Variants in RNF145 observed in about 807,000 individuals in gnomAD.
RNF145 encodes the protein ring finger protein 145.
A neutral mutation model predicts 57.3 loss-of-function variants in RNF145; 12 were observed. The observed-to-expected ratio is 0.21, with a 90% CI of 0.13 to 0.34. RNF145 has a LOEUF of 0.34. Among genes scored for constraint, RNF145 ranks in the 10% least tolerant of loss-of-function variants. RNF145 has a pLI of 1.00. For synonymous variants in RNF145, 262 were observed against 288.3 expected (o/e 0.91, Z 0.92); for missense variants, 429 against 799.0 (o/e 0.54, Z 5.58).
At chr5:159,162,057 T>C (rs996262418) in intron 9 of RNF145, among the ~76,000 whole-genome samples, 2 of 152,232 alleles carry the variant, frequency 1.3e-5, no homozygotes, top group East Asian at 1.9e-4. Context: ...CACTGTGTTA[T>C]GTTTTCCTTT....
chr5:159,206,247 A>C (rs1785876324), intron 1 of RNF145, among the ~76,000 whole-genome samples: 1 of 152,194 alleles, frequency 6.6e-6, no homozygotes, highest in Non-Finnish European at 1.5e-5. Context: ...ATACGCCCAA[A>C]TAAACGAAAC....
At chr5:159,202,200 C>T (rs565025498) in intron 2 of RNF145, among the ~76,000 whole-genome samples, 3 of 152,136 alleles carry the variant, frequency 2.0e-5, no homozygotes, top group Admixed American at 6.5e-5. Context: ...ATAAATATTT[C>T]AACCTATTCA....
chr5:159,175,075 A>G (rs566484372), intron 5 of RNF145, among the ~76,000 whole-genome samples: 24 of 152,298 alleles, frequency 1.6e-4, no homozygotes, highest in Admixed American at 1.6e-3. Context: ...ATCTTTAAGT[A>G]TTAAGTTAAA....
intron 1 of RNF145, among the ~76,000 whole-genome samples, chr5:159,207,100 C>G (rs749097001): frequency 1.7e-4 from 26 of 152,118 alleles, no homozygotes; most frequent in Non-Finnish European, 3.2e-4. Flanking sequence ...ACAGTAATGT[C>G]TTGTAGAAGT....
intron 2 of RNF145, among the ~76,000 whole-genome samples, chr5:159,202,094 T>C (rs766983731): frequency 1.3e-3 from 203 of 152,342 alleles, no homozygotes; most frequent in Non-Finnish European, 2.5e-3. Flanking sequence ...CAACTAACTT[T>C]ATAAAATTAT....
Position 159,164,284 on chromosome 5 carries a change from G to A in RNF145, c.1122-1205C>T, listed in dbSNP as rs1784324785. Among the ~76,000 whole-genome samples the A allele has an allele frequency of 2.0e-5, 3 of 152,116 alleles. No homozygotes were observed. The South Asian group carries it at 6.2e-4, about 31-fold the overall frequency. ...GAAATTAAGGAACAAATGTAAACTT[G>A]TCAGTAGCTTTGCTTTGAGATTCAG... On this transcript the variant is annotated intron_variant, in intron 8 of 10. Coordinates refer to ENST00000424310, the MANE Select transcript of RNF145 (RefSeq NM_001199383.2).
At chr5:159,200,521 T>A (rs1484787549) in intron 2 of RNF145, among the ~76,000 whole-genome samples, 1 of 152,114 alleles carries the variant, frequency 6.6e-6, no homozygotes, top group Non-Finnish European at 1.5e-5. Flanking sequence ...ACACTATTCA[T>A]ACAGATAAAT....
chr5:159,207,724 C>T, intron 1 of RNF145: 1 of 1,613,584 alleles, frequency 6.2e-7, no homozygotes, highest in Non-Finnish European at 8.5e-7. Flanking sequence ...CCTCCCCACT[C>T]CCACTCCTTG....
rs1234538858 is a variant in RNF145, at chr5:159,207,468, C to A, written c.-40+1763G>T. The A allele has an allele frequency of 3.3e-6, 5 of 1,506,396 alleles. No individual in the cohort carries two copies. In the South Asian group the frequency reaches 3.6e-5, roughly 11 times the overall value. The allele number at this position is 1,506,396 out of a possible 1,614,324, so 93.3% of individuals were successfully genotyped here. Reference sequence around the variant, plus strand: ...CCTAAAAAAGAAAAACAAAAATCATCATTCACCATTATCTCCTTTCTTTCT... The same window carrying A: ...CCTAAAAAAGAAAAACAAAAATCATAATTCACCATTATCTCCTTTCTTTCT... On this transcript the variant is annotated intron_variant, in intron 1 of 10. Coordinates refer to ENST00000424310, the MANE Select transcript of RNF145 (RefSeq NM_001199383.2).
intron 3 of RNF145, among the ~76,000 whole-genome samples, chr5:159,192,910 T>C (rs930033732): frequency 1.3e-5 from 2 of 152,244 alleles, no homozygotes; most frequent in African/African-American, 4.8e-5. Context: ...CATTACACTC[T>C]ATAGATACAA....
chr5:159,209,897 G>T, upstream of RNF145: 1 of 1,536,018 alleles, frequency 6.5e-7, no homozygotes, highest in Non-Finnish European at 8.7e-7. Flanking sequence ...ATCCTGTCCC[G>T]GTGCATTCGC....
At chr5:159,179,106 C>T (rs1310120989) in intron 4 of RNF145, among the ~76,000 whole-genome samples, 1 of 152,042 alleles carries the variant, frequency 6.6e-6, no homozygotes, top group Non-Finnish European at 1.5e-5. Flanking sequence ...TAAACTTCCT[C>T]TAAGCTCTGA....
At chr5:159,159,709 T>C (rs1784151630) in intron 10 of RNF145, among the ~76,000 whole-genome samples, 1 of 152,230 alleles carries the variant, frequency 6.6e-6, no homozygotes, top group African/African-American at 2.4e-5. Context: ...TGTGTGACTT[T>C]TATACACTCA....
At chr5:159,184,291 T>A (rs986618937) in intron 3 of RNF145, among the ~76,000 whole-genome samples, 3 of 152,254 alleles carry the variant, frequency 2.0e-5, no homozygotes, top group Non-Finnish European at 4.4e-5. Context: ...AAAAACTTTG[T>A]CTTTCTTTAG....
At chr5:159,202,912 G>C (rs1785719965) in intron 2 of RNF145, among the ~76,000 whole-genome samples, 1 of 148,538 alleles carries the variant, frequency 6.7e-6, no homozygotes, top group Non-Finnish European at 1.5e-5. Flanking sequence ...CTTGAAAGGG[G>C]ATTCAAGCAA....
At chr5:159,176,920 T>A in intron 4 of RNF145, 53 bp from the exon 5 acceptor site, 2 of 1,111,812 alleles carry the variant, frequency 1.8e-6, no homozygotes, top group Non-Finnish European at 2.6e-6. Context: ...ATCCACAAAA[T>A]AAAAACAAAC....
At chr5:159,179,509 T>C (rs1004145969) in intron 4 of RNF145, among the ~76,000 whole-genome samples, 7 of 152,134 alleles carry the variant, frequency 4.6e-5, no homozygotes, top group African/African-American at 1.7e-4. Flanking sequence ...TATTTTAAAA[T>C]CTAAGTTGGA....
intron 3 of RNF145, among the ~76,000 whole-genome samples, chr5:159,183,683 G>C (rs1784968514): frequency 6.6e-6 from 1 of 152,152 alleles, no homozygotes; most frequent in Non-Finnish European, 1.5e-5. Context: ...ATACAACTCT[G>C]AGTGTCAGTA....
chr5:159,173,731 G>A (rs1296743426), intron 6 of RNF145, among the ~76,000 whole-genome samples: 1 of 151,818 alleles, frequency 6.6e-6, no homozygotes, highest in Non-Finnish European at 1.5e-5. Flanking sequence ...ATACTTTTAC[G>A]ATTTGCTATG....
Sources: allele counts gnomAD v4.1 joint callset (sites outside exome capture counted in the v4.1 genomes callset), GRCh38; gene constraint gnomAD v4.1.1; transcripts MANE v1.5; gene names NCBI Gene and HGNC (gene_info 2026-07-23, HGNC 2026-07-21).